Variants in JAKMIP3 observed in about 807,000 individuals in gnomAD.
JAKMIP3 encodes janus kinase and microtubule-interacting protein 3.
Under a neutral mutation model 118.5 loss-of-function variants are expected in JAKMIP3, and 58 were observed. That is an observed-to-expected ratio of 0.49 (90% CI 0.40 to 0.61). The LOEUF (loss-of-function observed/expected upper bound fraction) is 0.61. Ranked by LOEUF, JAKMIP3 falls within the 20% of genes least tolerant of loss-of-function variation. JAKMIP3 has a pLI of 0.00. For missense variants in JAKMIP3, 950 were observed against 1,109.0 expected (o/e 0.86, Z 2.04); for synonymous variants, 486 against 451.2 (o/e 1.08, Z -0.98).
At chr10:132,101,814 G>A (rs2044972554) in intron 1 of JAKMIP3, among the ~76,000 whole-genome samples, 1 of 152,066 alleles carries the variant, frequency 6.6e-6, no homozygotes, top group African/African-American at 2.4e-5. Flanking sequence ...GTGTGGAGGT[G>A]GGAAGTTTAC....
chr10:132,161,793 G>A (rs374356039), intron 19 of JAKMIP3, among the ~76,000 whole-genome samples: 3 of 77,150 alleles, frequency 3.9e-5, no homozygotes, highest in African/African-American at 1.1e-4. Context: ...GCTGGGGGGT[G>A]TCTCTCCCTG....
chr10:132,038,401 C>T (rs958521400), intron 1 of JAKMIP3, among the ~76,000 whole-genome samples: 1 of 152,166 alleles, frequency 6.6e-6, no homozygotes. Context: ...CACAAGTGTG[C>T]ATGCATGACA....
chr10:132,167,894 C>A (rs76333635), intron 22 of JAKMIP3, 59 bp from the exon 23 acceptor site: 1 of 1,253,668 alleles, frequency 8.0e-7, no homozygotes, highest in South Asian at 1.3e-5. Context: ...GGCCCTCGCC[C>A]CTCACTCCAG....
At chr10:132,070,937 C>G (rs1453167557) in intron 1 of JAKMIP3, among the ~76,000 whole-genome samples, 1 of 152,160 alleles carries the variant, frequency 6.6e-6, no homozygotes. Context: ...ATTTACTTTT[C>G]TTTTTTCTAT....
intron 2 of JAKMIP3, among the ~76,000 whole-genome samples, chr10:132,106,959 C>CT (rs1257458128): frequency 1.3e-5 from 2 of 152,314 alleles, no homozygotes; most frequent in African/African-American, 4.8e-5. Flanking sequence ...TCTCAGCTCA[C>CT]TACAGCCTCG....
At chr10:132,058,434 C>T (rs900649609) in intron 1 of JAKMIP3, among the ~76,000 whole-genome samples, 1 of 152,204 alleles carries the variant, frequency 6.6e-6, no homozygotes, top group Non-Finnish European at 1.5e-5. Flanking sequence ...GGCTTTTGCT[C>T]AACTTCCCTG....
At chr10:132,109,438 A>C (rs1234053670) in intron 2 of JAKMIP3, among the ~76,000 whole-genome samples, 3 of 152,232 alleles carry the variant, frequency 2.0e-5, no homozygotes, top group Non-Finnish European at 4.4e-5. Flanking sequence ...AAATATAAGC[A>C]AACTAGAAGC....
chr10:132,147,831 G>A lies in JAKMIP3; in HGVS notation c.1750-121G>A, dbSNP rs1355867457. 1.6e-5 allele frequency: 11 copies of A among 668,322 alleles called. No individual in the cohort carries two copies. In the South Asian group the frequency reaches 1.8e-4, roughly 11 times the overall value. 41.4% of individuals were successfully genotyped at this position (668,322 alleles called of 1,614,324 possible). ...GGCTGTGAGGCGCTTCCAGGGCTGG[G>A]TACCAGGCCAGCCGGCCTCCCCGGC... On this transcript the variant is annotated intron_variant, in intron 13 of 23. Transcript: ENST00000684848.
At chr10:132,104,975 G>C (rs781754484) in intron 2 of JAKMIP3, 32 bp downstream of exon 2, 2 of 1,566,490 alleles carry the variant, frequency 1.3e-6, no homozygotes, top group Non-Finnish European at 1.7e-6. Context: ...ACCCTTGAAT[G>C]TCCCTCCCTC....
intron 22 of JAKMIP3, 124 bp downstream of exon 22, chr10:132,167,179 C>A: frequency 2.8e-6 from 2 of 710,824 alleles, no homozygotes; most frequent in Non-Finnish European, 4.8e-6. Context: ...GATGACCCAG[C>A]ATCCCCAAAA....
intron 23 of JAKMIP3, among the ~76,000 whole-genome samples, chr10:132,174,443 T>C (rs189420626): frequency 1.3e-5 from 2 of 148,814 alleles, no homozygotes; most frequent in East Asian, 3.9e-4. Context: ...CCGTGGGCTC[T>C]GTGGGCTCCG....
chr10:132,052,535 C>T (rs1276199330), intron 1 of JAKMIP3, among the ~76,000 whole-genome samples: 1 of 152,154 alleles, frequency 6.6e-6, no homozygotes, highest in Non-Finnish European at 1.5e-5. Context: ...CCTACTCATT[C>T]TATCTTTTAT....
At position 132,145,153 on chromosome 10, in the gene JAKMIP3, T is replaced by C; in HGVS notation, c.1649T>C (p.Ile550Thr). The change falls in exon 12 of 24, where the codon ATA (isoleucine) becomes ACA (threonine). Residue 550 changes from isoleucine to threonine, a missense_variant. By Grantham distance (89) the Ile-to-Thr change is moderately conservative. Coordinates refer to ENST00000684848, the MANE Select transcript of JAKMIP3 (RefSeq NM_001323087.2). ...GAAGTGCAGAGGGCACAGGCGCGGA[T>C]AGAGGACCTGGAGAAGGCCCTGGCG... Reference protein sequence around the residue: ...QAEVQRAQARIEDLEKALAEQ... With the variant: ...QAEVQRAQARTEDLEKALAEQ... The C allele has an allele frequency of 6.2e-7, 1 of 1,612,418 alleles. No individual in the cohort carries two copies. Among genetic ancestry groups the C allele is most frequent in the Non-Finnish European group, 8.5e-7 (1 of 1,179,736 alleles).
intron 1 of JAKMIP3, among the ~76,000 whole-genome samples, chr10:132,040,923 A>T (rs527707151): frequency 6.6e-6 from 1 of 152,274 alleles, no homozygotes; most frequent in Non-Finnish European, 1.5e-5. Flanking sequence ...ATAGAACTGG[A>T]ATCATGCAGT....
In JAKMIP3 at chr10:132,118,020, G is replaced by A. The variant is rs2047987530; in HGVS notation, c.633+446G>A. ...GGAGTCCCACACATCCTCACGGGGG[G>A]ACTCAGAGGGAATTCTCCAGTGATT... is the stretch of plus-strand genomic sequence containing the variant. On this transcript the variant is annotated intron_variant, in intron 3 of 23. Transcript: ENST00000684848. This position sits in a 1 kb window ranked among gnomAD's most constrained non-coding sequence, Gnocchi z 4.8. Among the ~76,000 whole-genome samples the A allele has an allele frequency of 6.6e-6, 1 of 152,132 alleles. No individual in the cohort carries two copies.
chr10:132,180,371 C>T (rs2060627734), intron 23 of JAKMIP3, among the ~76,000 whole-genome samples: 1 of 126,088 alleles, frequency 7.9e-6, no homozygotes, highest in Admixed American at 1.0e-4. Flanking sequence ...TGACATGGCT[C>T]CAGTTTGGAT....
chr10:132,106,602 C>T (rs1168711773), intron 2 of JAKMIP3, among the ~76,000 whole-genome samples: 3 of 152,182 alleles, frequency 2.0e-5, no homozygotes, highest in South Asian at 2.1e-4. Context: ...CATGGGGACA[C>T]GATCAGTAAA....
intron 12 of JAKMIP3, 147 bp downstream of exon 12, chr10:132,145,337 C>T (rs2054386137): frequency 8.9e-6 from 8 of 900,386 alleles, no homozygotes; most frequent in Non-Finnish European, 1.2e-5. Context: ...CCTCAGCCTC[C>T]TGAGTAGCTG....
At chr10:132,180,886 T>C (rs1378438454) in intron 23 of JAKMIP3, among the ~76,000 whole-genome samples, 1 of 152,004 alleles carries the variant, frequency 6.6e-6, no homozygotes, top group East Asian at 1.9e-4. Context: ...CATGTGCATG[T>C]ATGTGTATGT....
Sources: allele counts gnomAD v4.1 joint callset (sites outside exome capture counted in the v4.1 genomes callset), GRCh38; gene constraint gnomAD v4.1.1; non-coding constraint Gnocchi (gnomAD v3.1); transcripts MANE v1.5; gene names NCBI Gene and HGNC (gene_info 2026-07-23, HGNC 2026-07-21).